Variants in FAT1 observed in about 807,000 individuals in gnomAD.
FAT1 encodes protocadherin Fat 1.
FAT1 carries 171 observed loss-of-function variants against 329.8 expected under a neutral mutation model. The observed-to-expected ratio is 0.52, with a 90% CI of 0.46 to 0.59. The LOEUF (loss-of-function observed/expected upper bound fraction) is 0.59. Ranked by LOEUF, FAT1 falls within the 20% of genes least tolerant of loss-of-function variation. The pLI is 0.00. For synonymous variants in FAT1, 2,233 were observed against 2,228.6 expected (o/e 1.00, Z -0.06); for missense variants, 5,672 against 5,774.4 (o/e 0.98, Z 0.57).
In FAT1 at chr4:186,619,192, A is replaced by C; in HGVS notation, c.7394T>G (p.Leu2465Arg). 6.2e-7 allele frequency: 1 copy of C among 1,613,980 alleles called. No individual in the cohort carries two copies. The highest frequency in any genetic ancestry group is 8.5e-7 in the Non-Finnish European group (1 of 1,179,894). The stretch of plus-strand genomic sequence containing the variant: ...TCTAAAAACTCCATCAGACACTGAC[A>C]GGTTAAGACTGTAAAATGGCTTCAG... ...HALKPFYSLNLSVSDGVFRSS... is the reference protein window; with the variant it reads ...HALKPFYSLNRSVSDGVFRSS... The change falls in exon 10 of 27, where the codon CTG becomes CGG. Residue 2465 changes from leucine to arginine, a missense_variant. Physicochemically the swap from Leu to Arg is moderately radical, Grantham distance 102. Transcript: ENST00000441802.
intron 3 of FAT1, among the ~76,000 whole-genome samples, chr4:186,661,141 T>C (rs966780016): frequency 2.0e-5 from 3 of 152,180 alleles, no homozygotes; most frequent in African/African-American, 7.2e-5. Flanking sequence ...GGGTACATAT[T>C]TGTTTCTGTC....
At chr4:186,595,172 C>G (rs140729779) in intron 26 of FAT1, among the ~76,000 whole-genome samples, 1 of 152,094 alleles carries the variant, frequency 6.6e-6, no homozygotes, top group Non-Finnish European at 1.5e-5. Flanking sequence ...TCTGGCAGTA[C>G]GCTCTGATCC....
At chr4:186,709,888 A>G (rs2126707269) in intron 1 of FAT1, 43 bp from the exon 2 acceptor site, 1 of 1,498,314 alleles carries the variant, frequency 6.7e-7, no homozygotes, top group Non-Finnish European at 8.9e-7. Context: ...GGGAAATAAA[A>G]CAAGCAAAAG....
rs187737499 is a variant in FAT1, at chr4:186,717,317, G to A, written c.-19+6347C>T. Among the ~76,000 whole-genome samples, 8 of 152,266 alleles carry A rather than the reference G, an allele frequency of 5.3e-5. No individual in the cohort carries two copies. The South Asian group carries it at 1.2e-3, about 24-fold the overall frequency. ...TCTTCATATGATTTTCAGCATGAAC[G>A]GAGGAAGCTGTGACCCTAGAAATTG... On this transcript the variant is annotated intron_variant, in intron 1 of 26. Transcript: ENST00000441802.
chr4:186,726,480 T>TGTCCCTAACC (rs78173148), upstream of FAT1: 25,034 of 152,008 alleles, frequency 0.16, 2,959 homozygotes, highest in African/African-American at 0.34. Flanking sequence ...ATCTTCAGCA[T>TGTCCCTAACC]GTCCCTAACC....
chr4:186,678,156 G>T (rs1368051468), intron 2 of FAT1, among the ~76,000 whole-genome samples: 2 of 151,826 alleles, frequency 1.3e-5, no homozygotes, highest in Non-Finnish European at 2.9e-5. Context: ...AACATCACAG[G>T]GATATCAAGC....
chr4:186,685,879 A>G (rs1157528648), intron 2 of FAT1, among the ~76,000 whole-genome samples: 2 of 152,206 alleles, frequency 1.3e-5, no homozygotes, highest in East Asian at 3.8e-4. Flanking sequence ...AGCTGTAAGC[A>G]CACCGGTTGT....
At chr4:186,630,417 CAAG>C (rs1322596435) in intron 7 of FAT1, among the ~76,000 whole-genome samples, 2 of 152,072 alleles carry the variant, frequency 1.3e-5, no homozygotes, top group African/African-American at 2.4e-5. Context: ...AGTAAAGGAG[CAAG>C]AAGAAGGCAG....
intron 3 of FAT1, among the ~76,000 whole-genome samples, chr4:186,658,980 A>G (rs1742040738): frequency 6.6e-6 from 1 of 152,254 alleles, no homozygotes; most frequent in South Asian, 2.1e-4. Flanking sequence ...AAACACGGCC[A>G]CGCACTGCAT....
intron 2 of FAT1, among the ~76,000 whole-genome samples, chr4:186,678,826 C>A (rs1395207056): frequency 6.6e-6 from 1 of 151,928 alleles, no homozygotes; most frequent in East Asian, 1.9e-4. Flanking sequence ...CAATTTGACC[C>A]AGCAATCCCA....
intron 2 of FAT1, among the ~76,000 whole-genome samples, chr4:186,694,996 A>G (rs113109395): frequency 1.4e-4 from 21 of 152,154 alleles, no homozygotes; most frequent in African/African-American, 4.3e-4. Flanking sequence ...AATACAAAAC[A>G]GCTTTTTCAA....
chr4:186,627,333 A>G (rs532425650), intron 9 of FAT1, among the ~76,000 whole-genome samples: 50 of 152,132 alleles, frequency 3.3e-4, no homozygotes, highest in Non-Finnish European at 6.8e-4. Context: ...AGTGACCAAC[A>G]TGGCACCTGA....
intron 11 of FAT1, 108 bp from the exon 12 acceptor site, chr4:186,614,452 G>C (rs886613757): frequency 1.4e-6 from 1 of 696,196 alleles, no homozygotes; most frequent in African/African-American, 1.9e-5. Flanking sequence ...AGAAAACATG[G>C]GAAATGACTA....
chr4:186,648,229 C>T (rs992994443), intron 3 of FAT1, among the ~76,000 whole-genome samples: 2 of 152,106 alleles, frequency 1.3e-5, no homozygotes, highest in African/African-American at 2.4e-5. Flanking sequence ...ATTTTATACA[C>T]TACTTTATTG....
intron 9 of FAT1, among the ~76,000 whole-genome samples, chr4:186,622,575 AAGAT>A (rs1740096462): frequency 1.3e-5 from 2 of 152,236 alleles, no homozygotes; most frequent in South Asian, 4.1e-4. Flanking sequence ...AGGCTGCTCA[AAGAT>A]AGAGTGTTTT....
At chr4:186,590,957 T>G (rs1220491379) in intron 26 of FAT1, among the ~76,000 whole-genome samples, 1 of 152,244 alleles carries the variant, frequency 6.6e-6, no homozygotes, top group East Asian at 1.9e-4. Flanking sequence ...ATTGACACTG[T>G]GAGCCATTCC....
Position 186,707,823 on chromosome 4 carries a change from GCTTGTGA to G in FAT1, c.1998_2004del (p.His667TrpfsTer2). 6.2e-7 allele frequency: 1 copy of G among 1,613,694 alleles called. No individual in the cohort carries two copies. Among genetic ancestry groups the G allele is most frequent in the Non-Finnish European group, 8.5e-7 (1 of 1,179,898 alleles). ...GTCTCTTCACACTGCAAGTTTACCA[GCTTGTGA>G]CTGGCAGCCACTGTTATGTTGATAT... On this transcript the variant is annotated frameshift_variant, in exon 2 of 27. Transcript: ENST00000441802. LOFTEE classifies it high-confidence loss of function.
Position 186,708,718 on chromosome 4 carries a change from A to G in FAT1, c.1110T>C (p.Asp370=), listed in dbSNP as rs1744780731. The G allele has an allele frequency of 1.9e-6, 3 of 1,613,824 alleles. No individual in the cohort carries two copies. In the Admixed American group the frequency reaches 5.0e-5, roughly 27 times the overall value. The change falls in exon 2 of 27, where the codon GAT becomes GAC. Residue 370 remains aspartate, a synonymous_variant. Transcript: ENST00000441802. ...ATTCACTTATTTCTGCTCTGTAAAC[A>G]TCCTTTTCAAACTTGACTGGCCCGG... ...FKAGPVKFEK[D]VYRAEISEFA... is the part of the protein sequence containing the mutation.
rs944772157 is a variant in FAT1 at position 186,648,626 on chromosome 4, G to C, written c.3581-8843C>G. Reference sequence around the variant, plus strand: ...TAAAACATGAGGAAATGAGGTCTAGGCATGTGGAATAATTTCCTGAAGGTC... The same window carrying C: ...TAAAACATGAGGAAATGAGGTCTAGCCATGTGGAATAATTTCCTGAAGGTC... On this transcript the variant is annotated intron_variant, in intron 3 of 26. Transcript: ENST00000441802. 4.6e-4 allele frequency among the ~76,000 whole-genome samples: 70 copies of C among 152,126 alleles called. 1 individual carries two copies. Among genetic ancestry groups the C allele is most frequent in the Non-Finnish European group, 8.8e-5 (6 of 68,036 alleles).
Sources: gnomAD v4.1 joint callset for allele counts (sites outside exome capture counted in the v4.1 genomes callset) on GRCh38, gnomAD v4.1.1 for gene constraint, MANE v1.5 for transcripts, NCBI Gene and HGNC (gene_info 2026-07-23, HGNC 2026-07-21) for gene names.